SPG11: variants seen among roughly 807,000 people sequenced by gnomAD.
The protein encoded by SPG11 is SPG11 vesicle trafficking associated, spatacsin, also known as spatacsin.
In SPG11, 222 loss-of-function variants were observed where a neutral mutation model predicts 274.0. The observed-to-expected ratio is 0.81, with a 90% confidence interval of 0.73 to 0.91. The LOEUF (loss-of-function observed/expected upper bound fraction) is 0.91. SPG11 is among the 40% of genes least tolerant of loss of function. The pLI, the probability that SPG11 is intolerant of heterozygous loss-of-function variation, is 0.00. For synonymous variants in SPG11, 1,144 were observed against 1,039.7 expected, an observed-to-expected ratio of 1.10 and a Z score of -1.93; for missense variants, 3,114 against 2,872.7, an observed-to-expected ratio of 1.08 and a Z score of -1.92.
chr15:44,629,484 T>C (rs1214768652), intron 8 of SPG11, 96 bp from the exon 9 acceptor site: 1 of 1,352,624 alleles, frequency 7.4e-7, no homozygotes, highest in Non-Finnish European at 1.0e-6. Flanking sequence ...TTTTTAAACA[T>C]AAAACAAGGA....
chr15:44,617,278 CAT>C (rs2083612832), intron 15 of SPG11, among the ~76,000 whole-genome samples: 1 of 152,222 alleles, frequency 6.6e-6, no homozygotes, highest in South Asian at 2.1e-4. Context: ...TTTTAGAAAG[CAT>C]ATATCCTACT....
Position 44,613,418 on chromosome 15 carries a change from G to A in SPG11, c.3145+12C>T, listed in dbSNP as rs375672539. ...AAAGCAAGTTTCTGTGTTTAATACAGTATACCCATACCTGTTAAGTTACTG... is the reference window on the plus strand; with the variant it reads ...AAAGCAAGTTTCTGTGTTTAATACAATATACCCATACCTGTTAAGTTACTG... On this transcript the variant is annotated intron_variant, in intron 17 of 39. Transcript: ENST00000261866. The A allele has an allele frequency of 3.9e-5, 61 of 1,567,236 alleles. 1 individual carries two copies. The East Asian group carries it at 5.6e-4, about 14-fold the overall frequency.
In SPG11 at chr15:44,651,583, A is replaced by G; in HGVS notation, c.1364T>C (p.Leu455Ser). ...RMGYTITLWD[L>S]ETQGMQCFSL... ...AAAACACTGCATGCCCTGGGTCTCC[A>G]AATCCCAGAGGGTAATGGTATAGCC... The change falls in exon 6 of 40, where the codon TTG (leucine) becomes TCG (serine). Residue 455 changes from leucine (L) to serine (S), a missense_variant. Coordinates refer to ENST00000261866, the MANE Select transcript of SPG11 (RefSeq NM_025137.4). 6.2e-7 allele frequency: 1 copy of G among 1,614,216 alleles called. No individual in the cohort carries two copies. Among genetic ancestry groups the G allele is most frequent in the Non-Finnish European group, 8.5e-7 (1 of 1,180,018 alleles).
chr15:44,628,902 C>A (rs1194472087), intron 9 of SPG11, 58 bp from the exon 10 acceptor site: 11 of 1,491,714 alleles, frequency 7.4e-6, no homozygotes, highest in Non-Finnish European at 1.0e-5. Context: ...AAACCATGAG[C>A]TGTTATAAAG....
rs753262708 is a variant in SPG11, at chr15:44,574,879, G to T, written c.6006+23C>A. The T allele has an allele frequency of 8.1e-6, 13 of 1,613,148 alleles. No individual in the cohort carries two copies. In the African/African-American group the frequency reaches 1.5e-4, roughly 18 times the overall value. Reference sequence around the variant, plus strand: ...TCATTTCCCTCCCTCTCAGAAAGAGGAGCCCCACCCCTTGGCACATACCTT... The same window carrying T: ...TCATTTCCCTCCCTCTCAGAAAGAGTAGCCCCACCCCTTGGCACATACCTT... On this transcript the variant is annotated intron_variant, in intron 31 of 39. Coordinates refer to ENST00000261866, the MANE Select transcript of SPG11 (RefSeq NM_025137.4).
At position 44,622,063 on chromosome 15, in the gene SPG11, CAG is replaced by C. The variant is rs2083768475; in HGVS notation, c.2445-131_2445-130del. ...TCTGATTATGCAAATATTAAAATGA[CAG>C]AAAACTCTCGAGTCCCTTCTGTCTG... On this transcript the variant is annotated intron_variant, in intron 13 of 39. Transcript: ENST00000261866. The C allele has an allele frequency of 6.0e-6, 7 of 1,169,844 alleles. No individual in the cohort carries two copies. The South Asian group carries it at 9.8e-5, about 16-fold the overall frequency. 72.5% of individuals were successfully genotyped at this position (1,169,844 alleles called of 1,614,324 possible).
chr15:44,615,843 G>T (rs887233848), intron 15 of SPG11, among the ~76,000 whole-genome samples: 10 of 152,002 alleles, frequency 6.6e-5, no homozygotes, highest in African/African-American at 2.4e-4. Context: ...GTTTTTGATG[G>T]GAGCCATTAC....
chr15:44,661,440 A>G (rs2085102688), intron 1 of SPG11, among the ~76,000 whole-genome samples: 1 of 152,166 alleles, frequency 6.6e-6, no homozygotes, highest in Non-Finnish European at 1.5e-5. Context: ...ACTTGCTTCT[A>G]CAGAAGTAGT....
intron 20 of SPG11, 90 bp from the exon 21 acceptor site, chr15:44,600,722 G>GT (rs1380579901): frequency 7.2e-7 from 1 of 1,394,100 alleles, no homozygotes; most frequent in Non-Finnish European, 1.0e-6. Context: ...GATAAAACTG[G>GT]TTGCTGTAAT....
Position 44,569,497 on chromosome 15 carries a change from G to A in SPG11, c.6486C>T (p.Leu2162=), listed in dbSNP as rs550467119. ...PSEEYGLVVR[L]LTGIGRYNEM... Reference sequence around the variant, plus strand: ...CGTTGTACCTTCCAATGCCAGTGAGGAGCCGTACCTGTGAAGTGGGAGGAC... The same window carrying A: ...CGTTGTACCTTCCAATGCCAGTGAGAAGCCGTACCTGTGAAGTGGGAGGAC... The change falls in exon 35 of 40, where the codon CTC becomes CTT. Residue 2162 remains leucine (L), a synonymous_variant. Transcript: ENST00000261866. 4 of 1,589,400 alleles carry A rather than the reference G, an allele frequency of 2.5e-6. No homozygotes were observed. In the Admixed American group the frequency reaches 5.4e-5, roughly 21 times the overall value.
At position 44,595,405 on chromosome 15, in the gene SPG11, T is replaced by C. The variant is rs1410793353; in HGVS notation, c.4489A>G (p.Asn1497Asp). Residue 1497 changes from asparagine (N) to aspartate (D), a missense_variant, in exon 26 of 40, where the codon AAT (asparagine) becomes GAT (aspartate). Physicochemically the swap from Asn to Asp is conservative, Grantham distance 23 (BLOSUM62 1). Transcript: ENST00000261866. ...TGTCCCATTGCTTCAGTTGCAACAT[T>C]GTCCTCCACAGAAGTGATGATCCAA... The part of the protein sequence containing the change: ...CVWIITSVED[N>D]VATEAMGHIQ... 1 of 1,614,192 alleles carries C rather than the reference T, an allele frequency of 6.2e-7. No individual in the cohort carries two copies. The highest frequency in any genetic ancestry group is 8.5e-7 in the Non-Finnish European group (1 of 1,180,028).
At chr15:44,622,121 G>A (rs2083769949) in intron 13 of SPG11, 99 bp downstream of exon 13, 2 of 1,367,746 alleles carry the variant, frequency 1.5e-6, no homozygotes, top group African/African-American at 2.9e-5. Flanking sequence ...GAGAATGCAG[G>A]CTCAGTTCCA....
intron 12 of SPG11, 62 bp downstream of exon 12, chr15:44,622,666 T>G: frequency 1.5e-6 from 2 of 1,348,624 alleles, no homozygotes; most frequent in Non-Finnish European, 2.1e-6. Flanking sequence ...CAAGGTTTTC[T>G]TCCAAGTTTT....
chr15:44,572,765 G>T lies in SPG11; in HGVS notation c.6261C>A (p.Thr2087=), dbSNP rs761947330. The change falls in exon 33 of 40, where the codon ACC becomes ACA. Residue 2087 remains threonine, a synonymous_variant. Coordinates refer to ENST00000261866, the MANE Select transcript of SPG11 (RefSeq NM_025137.4). ...CCAATGTGCGGTCTTGACACAGAGT[G>T]GTCAGCTGAAGAAATGTCTGGCTTT... ...TEESQTFLQL[T]TLCQDRTLVG... is the part of the protein sequence containing the mutation. 2 of 1,613,966 alleles carry T rather than the reference G, an allele frequency of 1.2e-6. No homozygotes were observed.
In SPG11 at chr15:44,622,412, A is replaced by G. The variant is rs781665759; in HGVS notation, c.2317-65T>C. On this transcript the variant is annotated intron_variant, in intron 12 of 39. Transcript: ENST00000261866. ...ATCAAGCACTTTTGCAAAAAATGTC[A>G]TGAGATTATCAAATAAGGTAGTGCT... 2.3e-6 allele frequency: 3 copies of G among 1,317,876 alleles called. No homozygotes were observed. The East Asian group carries it at 7.1e-5, about 31-fold the overall frequency. The allele number at this position is 1,317,876 out of a possible 1,614,324, so 81.6% of individuals were successfully genotyped here.
At chr15:44,620,005 C>T (rs533308692) in intron 15 of SPG11, 185 bp downstream of exon 15, 49 of 594,476 alleles carry the variant, frequency 8.2e-5, no homozygotes, top group Middle Eastern at 9.4e-4. Flanking sequence ...CATGAGCCAC[C>T]GCACTTGGCC....
At position 44,562,885 on chromosome 15, in the gene SPG11, T is replaced by C; in HGVS notation, c.*236A>G. On this transcript the variant is annotated 3_prime_UTR_variant, in exon 40 of 40. Transcript: ENST00000261866. Reference sequence around the variant, plus strand: ...CTGAGGAAGAGGAAGCTTTTGATCTTAATACTAGTATCTATATAAAATGGT... The same window carrying C: ...CTGAGGAAGAGGAAGCTTTTGATCTCAATACTAGTATCTATATAAAATGGT... The C allele has an allele frequency of 5.9e-6, 3 of 504,496 alleles. No homozygotes were observed. Among genetic ancestry groups the C allele is most frequent in the Non-Finnish European group, 1.1e-5 (3 of 280,668 alleles). 31.3% of individuals were successfully genotyped at this position (504,496 alleles called of 1,614,324 possible). A position where few individuals can be genotyped will look rare whatever the true frequency, so the allele number is the denominator to read the frequency against.
At chr15:44,606,169 T>G in intron 19 of SPG11, 78 bp from the exon 20 acceptor site, 1 of 1,282,800 alleles carries the variant, frequency 7.8e-7, no homozygotes, top group East Asian at 2.5e-5. Flanking sequence ...ATGAAAGGAC[T>G]TCAGAGGTAG....
Position 44,595,271 on chromosome 15 carries a change from C to T in SPG11, c.4623G>A (p.Gln1541=). Residue 1541 remains glutamine, a synonymous_variant, in exon 26 of 40, where the codon CAG becomes CAA. Transcript: ENST00000261866. ...QKSKTLIRGF[Q]LFFKDSPLLL... ...CAACTATCACTACCTTAAAGAAAAG[C>T]TGGAAACCTCTGATGAGAGTTTTGC... is the stretch of plus-strand genomic sequence containing the variant. 1 of 1,614,178 alleles carries T rather than the reference C, an allele frequency of 6.2e-7. No homozygotes were observed. Among genetic ancestry groups the T allele is most frequent in the Non-Finnish European group, 8.5e-7 (1 of 1,179,998 alleles).
Sources: gnomAD v4.1 joint callset for allele counts (sites outside exome capture counted in the v4.1 genomes callset) on GRCh38, gnomAD v4.1.1 for gene constraint, MANE v1.5 for transcripts, NCBI Gene and HGNC (gene_info 2026-07-23, HGNC 2026-07-21) for gene names.